CSMD1: variants seen among roughly 807,000 people sequenced by gnomAD.
CSMD1 encodes the protein CUB and Sushi multiple domains 1.
A neutral mutation model predicts 417.5 loss-of-function variants in CSMD1; 213 were observed. The ratio of observed to expected loss-of-function variants is 0.51; its 90% CI spans 0.46 to 0.57. The LOEUF (loss-of-function observed/expected upper bound fraction) is 0.57. Among genes scored for constraint, CSMD1 ranks in the 20% least tolerant of loss-of-function variants. The pLI is 0.00. For synonymous variants in CSMD1, 2,862 were observed against 1,736.8 expected (o/e 1.65, Z -16.11); for missense variants, 6,923 against 4,529.7 (o/e 1.53, Z -15.17).
chr8:3,300,212 C>T (rs188078048), intron 25 of CSMD1, among the ~76,000 whole-genome samples: 37 of 152,010 alleles, frequency 2.4e-4, no homozygotes, highest in Admixed American at 2.3e-3. Context: ...TTCAGAATAA[C>T]ATGGCGTAAA....
intron 3 of CSMD1, among the ~76,000 whole-genome samples, chr8:4,332,602 CACACAG>C (rs1231072977): frequency 1.1e-3 from 144 of 127,712 alleles, no homozygotes; most frequent in African/African-American, 4.8e-3. Flanking sequence ...CACACACACA[CACACAG>C]AGTCATATGC....
At position 3,754,524 on chromosome 8, in the gene CSMD1, G is replaced by C. The variant is rs568925427; in HGVS notation, c.819-482C>G. The stretch of plus-strand genomic sequence containing the variant: ...GGCTGGAGGGCAGTGGTGCGATCTC[G>C]GCTCACTGCAAGCTCCGCCTCCTGG... On this transcript the variant is annotated intron_variant, in intron 5 of 69. Transcript: ENST00000635120. Among the ~76,000 whole-genome samples, 4 of 151,818 alleles carry C rather than the reference G, an allele frequency of 2.6e-5. No individual in the cohort carries two copies. The South Asian group carries it at 8.3e-4, about 32-fold the overall frequency.
chr8:4,029,643 T>C (rs1385864917), intron 4 of CSMD1, among the ~76,000 whole-genome samples: 4 of 152,024 alleles, frequency 2.6e-5, no homozygotes, highest in African/African-American at 9.7e-5. Context: ...CCAAACCATA[T>C]CATTTCGCTC....
At chr8:4,694,296 C>A (rs1024765555) in intron 1 of CSMD1, among the ~76,000 whole-genome samples, 1 of 152,134 alleles carries the variant, frequency 6.6e-6, no homozygotes, top group African/African-American at 2.4e-5. Context: ...CCCCTCCCTG[C>A]TTGAAGTTGT....
intron 9 of CSMD1, among the ~76,000 whole-genome samples, chr8:3,580,840 G>C (rs896815548): frequency 1.3e-5 from 2 of 152,064 alleles, no homozygotes; most frequent in African/African-American, 4.8e-5. Context: ...CTCTTTAAAA[G>C]GTCATTTCTA....
At chr8:4,818,454 A>C (rs932030264) in intron 1 of CSMD1, among the ~76,000 whole-genome samples, 4 of 152,186 alleles carry the variant, frequency 2.6e-5, no homozygotes, top group Non-Finnish European at 5.9e-5. Context: ...CAGTAAATCC[A>C]AACTTAAATT....
At chr8:3,177,354 C>G (rs367673153) in intron 37 of CSMD1, among the ~76,000 whole-genome samples, 1 of 152,280 alleles carries the variant, frequency 6.6e-6, no homozygotes, top group South Asian at 2.1e-4. Flanking sequence ...TGCAGAGGCT[C>G]TGTGACGAGA....
At chr8:4,715,649 C>T (rs2116883984) in intron 1 of CSMD1, among the ~76,000 whole-genome samples, 1 of 152,288 alleles carries the variant, frequency 6.6e-6, no homozygotes, top group Admixed American at 6.5e-5. Context: ...AAAATCATTT[C>T]TCTTCCAGAT....
chr8:4,174,528 T>C (rs1483864087), intron 3 of CSMD1, among the ~76,000 whole-genome samples: 1 of 151,018 alleles, frequency 6.6e-6, no homozygotes, highest in Middle Eastern at 3.2e-3. Context: ...GACCCCCATG[T>C]CCACCCACCT....
At position 2,938,764 on chromosome 8, in the gene CSMD1, A is replaced by G; in HGVS notation, c.10536-20T>C. 6.3e-7 allele frequency: 1 copy of G among 1,578,954 alleles called. No individual in the cohort carries two copies. The highest frequency in any genetic ancestry group is 8.6e-7 in the Non-Finnish European group (1 of 1,159,780). On this transcript the variant is annotated intron_variant, in intron 69 of 69. Coordinates refer to ENST00000635120, the MANE Select transcript of CSMD1 (RefSeq NM_033225.6). ...CTCGTTCTAAGGAAAACAGAAAACA[A>G]ATCATTAGAATCCTGGTTTCATTTG...
intron 54 of CSMD1, among the ~76,000 whole-genome samples, chr8:2,996,155 A>G (rs60679945): frequency 0.05 from 7,520 of 151,724 alleles, 622 homozygotes; most frequent in African/African-American, 0.17. Flanking sequence ...CTCATTCAAC[A>G]GAGAAAAGGA....
chr8:3,878,472 A>C (rs1468479475), intron 5 of CSMD1, among the ~76,000 whole-genome samples: 1 of 152,218 alleles, frequency 6.6e-6, no homozygotes, highest in Non-Finnish European at 1.5e-5. Flanking sequence ...ACAGACTCTT[A>C]AATATTAACT....
chr8:3,503,464 G>A (rs1363006097), intron 10 of CSMD1, among the ~76,000 whole-genome samples: 1 of 152,238 alleles, frequency 6.6e-6, no homozygotes, highest in Non-Finnish European at 1.5e-5. Flanking sequence ...CTAAAACACA[G>A]CAGTCTTGGG....
chr8:4,546,941 C>CT (rs772009630), intron 2 of CSMD1, among the ~76,000 whole-genome samples: 5 of 152,148 alleles, frequency 3.3e-5, no homozygotes, highest in Admixed American at 1.3e-4. Context: ...TCCTCTGCCC[C>CT]TACAGGATAG....
chr8:4,679,701 A>G (rs2130972363), intron 1 of CSMD1, among the ~76,000 whole-genome samples: 1 of 152,318 alleles, frequency 6.6e-6, no homozygotes, highest in South Asian at 2.1e-4. Context: ...CCAGACACTC[A>G]GTGGATTTTT....
At chr8:3,997,749 G>A (rs1328115948) in intron 5 of CSMD1, among the ~76,000 whole-genome samples, 154 bp downstream of exon 5, 3 of 152,138 alleles carry the variant, frequency 2.0e-5, no homozygotes, top group African/African-American at 7.2e-5. Context: ...TCACAGTAAA[G>A]GTAACTTTTC....
chr8:3,201,590 G>T, intron 32 of CSMD1, 22 bp downstream of exon 32: 1 of 1,454,106 alleles, frequency 6.9e-7, no homozygotes, highest in African/African-American at 1.4e-5. Flanking sequence ...CTAAATTAAG[G>T]GCAAAATTCT....
intron 5 of CSMD1, among the ~76,000 whole-genome samples, chr8:3,861,743 C>G (rs1283479517): frequency 6.6e-6 from 1 of 152,102 alleles, no homozygotes; most frequent in Non-Finnish European, 1.5e-5. Flanking sequence ...AAAGATTTTA[C>G]CAAAAGAAAT....
intron 2 of CSMD1, among the ~76,000 whole-genome samples, chr8:4,625,450 A>G (rs1802040980): frequency 6.6e-6 from 1 of 152,016 alleles, no homozygotes; most frequent in African/African-American, 2.4e-5. Context: ...ATGAGTCTAC[A>G]TTTATGAGCA....
Sources: allele counts gnomAD v4.1 joint callset (sites outside exome capture counted in the v4.1 genomes callset), GRCh38; gene constraint gnomAD v4.1.1; transcripts MANE v1.5; gene names NCBI Gene and HGNC (gene_info 2026-07-23, HGNC 2026-07-21).